The following PLOD2 variants were observed in gnomAD, a reference collection of about 807,000 sequenced individuals.
The protein encoded by PLOD2 is lysine hydroxylase 2.
PLOD2 carries 65 observed loss-of-function variants against 101.0 expected under a neutral mutation model. That is an observed-to-expected ratio of 0.64 (90% CI 0.53 to 0.79). The LOEUF is 0.79. Ranked by LOEUF, PLOD2 falls within the 30% of genes least tolerant of loss-of-function variation. The probability of loss-of-function intolerance (pLI) is 0.00; values close to 1 mark genes in which losing one functional copy is unlikely to be tolerated. For synonymous variants in PLOD2, 314 were observed against 302.9 expected (o/e 1.04, Z -0.38); for missense variants, 909 against 914.6 (o/e 0.99, Z 0.08).
At chr3:146,127,800 A>C (rs1031835664) in intron 1 of PLOD2, among the ~76,000 whole-genome samples, 1 of 152,132 alleles carries the variant, frequency 6.6e-6, no homozygotes, top group African/African-American at 2.4e-5. Context: ...TGAAAATCAA[A>C]GCCACAATGA....
intron 13 of PLOD2, 90 bp downstream of exon 13, chr3:146,079,026 A>T (rs1385713894): frequency 7.4e-6 from 10 of 1,347,442 alleles, no homozygotes; most frequent in Non-Finnish European, 1.1e-5. Context: ...AATTAGCAAG[A>T]CAAAGGGCAT....
At chr3:146,072,451 G>C in intron 17 of PLOD2, 110 bp downstream of exon 17, 2 of 773,994 alleles carry the variant, frequency 2.6e-6, no homozygotes, top group Non-Finnish European at 4.5e-6. Context: ...ATTTATCTAA[G>C]TCTAGAACTC....
chr3:146,137,222 T>C (rs193128011), intron 1 of PLOD2, among the ~76,000 whole-genome samples: 2 of 152,322 alleles, frequency 1.3e-5, no homozygotes, highest in East Asian at 3.9e-4. Context: ...AGCTCCATAA[T>C]GTTGCTTCTA....
At chr3:146,114,877 G>A (rs4681295) in intron 3 of PLOD2, among the ~76,000 whole-genome samples, 13,568 of 152,136 alleles carry the variant, frequency 0.089, 780 homozygotes, top group South Asian at 0.14. Context: ...TCCCAACTGC[G>A]GAACAGCACA....
intron 1 of PLOD2, among the ~76,000 whole-genome samples, chr3:146,130,078 A>G (rs1267314133): frequency 6.6e-6 from 1 of 152,120 alleles, no homozygotes; most frequent in Non-Finnish European, 1.5e-5. Context: ...TCTCCTCTCC[A>G]ATCTCATCCA....
chr3:146,072,445 A>T lies in PLOD2; in HGVS notation c.1848+116T>A, dbSNP rs1419323102. On this transcript the variant is annotated intron_variant, in intron 17 of 19. Transcript: ENST00000282903. Reference sequence around the variant, plus strand: ...AATCAGAGCCTTGGCTAGCCAATTTATCTAAGTCTAGAACTCAGAGACATA... The same window carrying T: ...AATCAGAGCCTTGGCTAGCCAATTTTTCTAAGTCTAGAACTCAGAGACATA... 5 of 747,882 alleles carry T rather than the reference A, an allele frequency of 6.7e-6. No homozygotes were observed. In the East Asian group the frequency reaches 1.3e-4, roughly 20 times the overall value. The allele number at this position is 747,882 out of a possible 1,614,324, so 46.3% of individuals were successfully genotyped here. A position where few individuals can be genotyped will look rare whatever the true frequency, so the allele number is the denominator to read the frequency against.
At chr3:146,097,118 G>T (rs1201060348) in intron 7 of PLOD2, among the ~76,000 whole-genome samples, 14 of 148,322 alleles carry the variant, frequency 9.4e-5, no homozygotes, top group African/African-American at 3.2e-4. Context: ...CCCTGTCCAG[G>T]AGGGAGGTGG....
intron 1 of PLOD2, among the ~76,000 whole-genome samples, chr3:146,137,570 A>G (rs1248053387): frequency 6.6e-6 from 1 of 152,134 alleles, no homozygotes; most frequent in Non-Finnish European, 1.5e-5. Flanking sequence ...TTAATCTCAG[A>G]TATTCCCAGT....
At chr3:146,138,988 C>T (rs2031387431) in intron 1 of PLOD2, among the ~76,000 whole-genome samples, 1 of 152,092 alleles carries the variant, frequency 6.6e-6, no homozygotes, top group South Asian at 2.1e-4. Flanking sequence ...TGCAATACTG[C>T]ATCTCATAAT....
intron 1 of PLOD2, among the ~76,000 whole-genome samples, chr3:146,127,306 T>G (rs948517351): frequency 2.6e-5 from 4 of 152,126 alleles, no homozygotes; most frequent in Admixed American, 6.5e-5. Flanking sequence ...CAGGTAACTT[T>G]TCAACCCTTT....
chr3:146,148,747 T>A (rs990246936), intron 1 of PLOD2, among the ~76,000 whole-genome samples: 2 of 152,230 alleles, frequency 1.3e-5, no homozygotes, highest in Non-Finnish European at 1.5e-5. Context: ...TGCATAATAT[T>A]ACAACATCTA....
chr3:146,097,803 A>AAT (rs1553733433), intron 7 of PLOD2, among the ~76,000 whole-genome samples: 1,481 of 142,092 alleles, frequency 0.01, 11 homozygotes, highest in African/African-American at 0.02. Flanking sequence ...AATAAAAAAA[A>AAT]AATAATAATA....
chr3:146,097,805 AT>A (rs199632804), intron 7 of PLOD2, among the ~76,000 whole-genome samples: 47 of 103,112 alleles, frequency 4.6e-4, no homozygotes, highest in African/African-American at 1.3e-3. Context: ...TAAAAAAAAA[AT>A]AATAATAATA....
At position 146,081,757 on chromosome 3, in the gene PLOD2, T is replaced by A. The variant is rs923043273; in HGVS notation, c.1339A>T (p.Ile447Phe). Residue 447 changes from isoleucine to phenylalanine, a missense_variant, in exon 12 of 20, where the codon ATT becomes TTT. Coordinates refer to ENST00000282903, the MANE Select transcript of PLOD2 (RefSeq NM_182943.3). ...YYARSEDYVD[I>F]VQGNRVGVWN... ...ACTTACACTCTATTCCCTTGAACAA[T>A]ATCCACATAATCTTCAGATCGTGCA... The A allele has an allele frequency of 1.2e-6, 2 of 1,608,926 alleles. No individual in the cohort carries two copies. Among genetic ancestry groups the A allele is most frequent in the Non-Finnish European group, 1.7e-6 (2 of 1,175,612 alleles).
At chr3:146,120,329 G>C (rs534456161) in intron 3 of PLOD2, among the ~76,000 whole-genome samples, 41 of 152,074 alleles carry the variant, frequency 2.7e-4, no homozygotes, top group Non-Finnish European at 4.6e-4. Flanking sequence ...GTTCATTGTA[G>C]ATTCTGGATA....
intron 1 of PLOD2, among the ~76,000 whole-genome samples, chr3:146,125,436 G>A (rs752427842): frequency 1.3e-5 from 2 of 152,100 alleles, no homozygotes; most frequent in Non-Finnish European, 2.9e-5. Context: ...AACATTCTTA[G>A]ATTTTTTTCT....
chr3:146,092,592 T>G (rs1937011782), intron 7 of PLOD2, among the ~76,000 whole-genome samples: 1 of 152,212 alleles, frequency 6.6e-6, no homozygotes, highest in South Asian at 2.1e-4. Context: ...CCATTTTCTT[T>G]CAGATCTCTC....
At chr3:146,100,305 A>G (rs1937342359) in intron 7 of PLOD2, among the ~76,000 whole-genome samples, 1 of 152,226 alleles carries the variant, frequency 6.6e-6, no homozygotes, top group African/African-American at 2.4e-5. Context: ...TTGAAAGCGT[A>G]GTATTCGCTA....
chr3:146,133,401 A>ATT (rs2031041195), intron 1 of PLOD2, among the ~76,000 whole-genome samples: 1 of 152,114 alleles, frequency 6.6e-6, no homozygotes, highest in Non-Finnish European at 1.5e-5. Context: ...GAACCATATA[A>ATT]TTTTTCCAAT....
Sources: gnomAD v4.1 joint callset for allele counts (sites outside exome capture counted in the v4.1 genomes callset) on GRCh38, gnomAD v4.1.1 for gene constraint, MANE v1.5 for transcripts, NCBI Gene and HGNC (gene_info 2026-07-23, HGNC 2026-07-21) for gene names.